The following NTRK2 variants were observed in gnomAD, a reference collection of about 807,000 sequenced individuals.
The protein encoded by NTRK2 is neurotrophic receptor tyrosine kinase 2.
A neutral mutation model predicts 94.5 loss-of-function variants in NTRK2; 13 were observed. The observed-to-expected ratio is 0.14, with a 90% CI of 0.09 to 0.22. NTRK2 has a LOEUF of 0.22. NTRK2 is among the 10% of genes least tolerant of loss of function. The pLI is 1.00. For synonymous variants in NTRK2, 372 were observed against 407.4 expected (o/e 0.91, Z 1.05); for missense variants, 639 against 1,071.2 (o/e 0.60, Z 5.63).
At chr9:84,924,754 A>G (rs927372104) in intron 14 of NTRK2, among the ~76,000 whole-genome samples, 16 of 152,172 alleles carry the variant, frequency 1.1e-4, no homozygotes, top group Non-Finnish European at 2.4e-4. Context: ...CTGCTGTAAC[A>G]TGCAGGTTAA....
chr9:85,013,187 G>A (rs17418304), intron 17 of NTRK2, among the ~76,000 whole-genome samples: 2,707 of 152,210 alleles, frequency 0.018, 42 homozygotes, highest in Middle Eastern at 0.048. Context: ...GAATAGCTAC[G>A]TGCCTAGAAG....
At chr9:84,897,192 A>G (rs2076783644) in intron 14 of NTRK2, among the ~76,000 whole-genome samples, 2 of 152,008 alleles carry the variant, frequency 1.3e-5, no homozygotes. Context: ...GGTAGAGTGC[A>G]GTGGCACAAT....
chr9:84,797,643 CTATAATAATATATATAT>C (rs2069588442), intron 12 of NTRK2, among the ~76,000 whole-genome samples: 1 of 43,828 alleles, frequency 2.3e-5, no homozygotes, highest in Non-Finnish European at 3.5e-5. Context: ...ATTATATATA[CTATAATAATATATATAT>C]TATATATTAT....
chr9:84,837,259 A>G (rs1194580549), intron 12 of NTRK2, among the ~76,000 whole-genome samples: 1 of 152,088 alleles, frequency 6.6e-6, no homozygotes, highest in Non-Finnish European at 1.5e-5. Context: ...TTAAGTGACC[A>G]AAGCTACCAG....
At chr9:84,864,457 T>C (rs771798468) in intron 13 of NTRK2, among the ~76,000 whole-genome samples, 1 of 152,056 alleles carries the variant, frequency 6.6e-6, no homozygotes, top group Admixed American at 6.6e-5. Context: ...AAAGAACATA[T>C]TCATGTAACC....
At chr9:84,923,786 C>T (rs1181326169) in intron 14 of NTRK2, among the ~76,000 whole-genome samples, 3 of 151,976 alleles carry the variant, frequency 2.0e-5, no homozygotes, top group Non-Finnish European at 4.4e-5. Context: ...TATGGTGGCA[C>T]ACACCTAAAA....
chr9:84,713,682 T>C (rs1588118322), intron 6 of NTRK2, among the ~76,000 whole-genome samples: 1 of 152,306 alleles, frequency 6.6e-6, no homozygotes, highest in Admixed American at 6.5e-5. Context: ...TAAAAAATTA[T>C]AGGCTCAAAA....
At chr9:84,675,972 C>T (rs1034838766) in intron 2 of NTRK2, among the ~76,000 whole-genome samples, 1 of 152,156 alleles carries the variant, frequency 6.6e-6, no homozygotes, top group Non-Finnish European at 1.5e-5. Context: ...AGTGAATGTG[C>T]TCAAAGTTAC....
At chr9:84,844,555 C>A (rs1015852566) in intron 12 of NTRK2, among the ~76,000 whole-genome samples, 1 of 151,644 alleles carries the variant, frequency 6.6e-6, no homozygotes, top group Non-Finnish European at 1.5e-5. Flanking sequence ...GCTGACATTT[C>A]TGAAGGGGAA....
intron 14 of NTRK2, among the ~76,000 whole-genome samples, chr9:84,886,273 A>T (rs1383276599): frequency 1.3e-5 from 2 of 152,182 alleles, no homozygotes; most frequent in Admixed American, 6.5e-5. Context: ...ACTCTTCATG[A>T]GGTTGATGTT....
intron 13 of NTRK2, among the ~76,000 whole-genome samples, chr9:84,861,498 T>C (rs1293276120): frequency 1.3e-5 from 2 of 152,236 alleles, no homozygotes; most frequent in African/African-American, 2.4e-5. Context: ...GAGTTCTGAA[T>C]TGGTAAATCA....
intron 12 of NTRK2, among the ~76,000 whole-genome samples, chr9:84,817,167 A>G (rs2072481956): frequency 6.6e-6 from 1 of 152,164 alleles, no homozygotes. Context: ...AATAACTAAT[A>G]CTTCAAAGGA....
chr9:84,742,314 G>A (rs1359011044), intron 10 of NTRK2, among the ~76,000 whole-genome samples: 1 of 152,216 alleles, frequency 6.6e-6, no homozygotes, highest in Non-Finnish European at 1.5e-5. Flanking sequence ...TAATGAAGGT[G>A]TTTGGCTCAC....
chr9:84,976,629 A>G (rs866166661), intron 17 of NTRK2, among the ~76,000 whole-genome samples: 62 of 152,308 alleles, frequency 4.1e-4, no homozygotes, highest in African/African-American at 1.5e-3. Flanking sequence ...GCCAACTAAA[A>G]CACTGTGAGA....
intron 12 of NTRK2, among the ~76,000 whole-genome samples, chr9:84,821,815 T>TAGAG (rs55923826): frequency 0.052 from 7,710 of 147,346 alleles, 242 homozygotes; most frequent in East Asian, 0.14. Flanking sequence ...GGGAGAGAAG[T>TAGAG]AGAGAGAGAG....
At chr9:84,770,217 G>A (rs1371013921) in intron 12 of NTRK2, among the ~76,000 whole-genome samples, 1 of 150,390 alleles carries the variant, frequency 6.6e-6, no homozygotes, top group Non-Finnish European at 1.5e-5. Context: ...GAAGCAGCTG[G>A]GAGTTAAGTG....
intron 12 of NTRK2, among the ~76,000 whole-genome samples, chr9:84,842,048 C>G (rs950304694): frequency 6.6e-6 from 1 of 152,168 alleles, no homozygotes. Context: ...AACTATTCAC[C>G]CTTTCTCCAG....
rs147162222 is a variant in NTRK2, at chr9:85,013,715, G to A, written c.2173-6491G>A. Among the ~76,000 whole-genome samples, 152 of 152,316 alleles carry A rather than the reference G, an allele frequency of 1.0e-3. 4 individuals carry two copies. In the East Asian group the frequency reaches 0.027, roughly 27 times the overall value. On this transcript the variant is annotated intron_variant, in intron 17 of 18. Transcript: ENST00000277120. ...AACTGCTGAGACAAAGCAATGGAGC[G>A]TAGGGTGTGATGAGGAGGTCTAGGA...
intron 12 of NTRK2, among the ~76,000 whole-genome samples, chr9:84,821,194 A>G (rs190019370): frequency 7.6e-4 from 115 of 152,122 alleles, no homozygotes; most frequent in African/African-American, 2.7e-3. Context: ...AACACCATAA[A>G]TATGCTTTGT....
Sources: gnomAD v4.1 joint callset for allele counts (sites outside exome capture counted in the v4.1 genomes callset) on GRCh38, gnomAD v4.1.1 for gene constraint, MANE v1.5 for transcripts, NCBI Gene and HGNC (gene_info 2026-07-23, HGNC 2026-07-21) for gene names.